The following ISM1 variants were observed in gnomAD, a reference collection of about 807,000 sequenced individuals.
ISM1 encodes isthmin 1.
Under a neutral mutation model 46.3 loss-of-function variants are expected in ISM1, and 25 were observed. That is an observed-to-expected ratio of 0.54 (90% CI 0.39 to 0.75). The LOEUF (loss-of-function observed/expected upper bound fraction) is 0.75. ISM1 is among the 30% of genes least tolerant of loss of function. The pLI, the probability that ISM1 is intolerant of heterozygous loss-of-function variation, is 0.00. For missense variants in ISM1, 536 were observed against 625.4 expected, an observed-to-expected ratio of 0.86 and a Z score of 1.52; for synonymous variants, 255 against 256.7, an observed-to-expected ratio of 0.99 and a Z score of 0.06.
the ISM1 span, among the ~76,000 whole-genome samples, chr20:13,323,111 G>C: frequency 1.3e-5 from 2 of 152,096 alleles, no homozygotes; most frequent in Non-Finnish European, 2.9e-5. Context: ...TAGGAACTAA[G>C]AGCAATCAGA....
At chr20:13,301,884 G>A (rs1164187154), downstream of ISM1, among the ~76,000 whole-genome samples, 2 of 152,178 alleles carry the variant, frequency 1.3e-5, no homozygotes, top group Non-Finnish European at 1.5e-5. Flanking sequence ...TAAGCACAAA[G>A]TACTATGAAG....
the ISM1 span, among the ~76,000 whole-genome samples, chr20:13,309,158 A>G: frequency 6.6e-6 from 1 of 152,190 alleles, no homozygotes; most frequent in East Asian, 1.9e-4. Context: ...ACACCAACAT[A>G]CATAATAAAA....
chr20:13,268,095 A>C (rs940664358), intron 1 of ISM1, among the ~76,000 whole-genome samples: 2 of 122,630 alleles, frequency 1.6e-5, no homozygotes, highest in Admixed American at 7.7e-5. Context: ...AAAAGATAGC[A>C]TGCTCTCTCT....
At chr20:13,256,460 C>T (rs1322652137) in intron 1 of ISM1, among the ~76,000 whole-genome samples, 2 of 151,240 alleles carry the variant, frequency 1.3e-5, no homozygotes, top group African/African-American at 2.4e-5. Flanking sequence ...GAGTTGAATC[C>T]CAAAACCCAT....
chr20:13,291,770 T>A (rs1184887120), intron 4 of ISM1, among the ~76,000 whole-genome samples: 1 of 152,170 alleles, frequency 6.6e-6, no homozygotes, highest in African/African-American at 2.4e-5. Flanking sequence ...CATTGTAGCA[T>A]CCTCAGTGAG....
chr20:13,270,844 T>A, intron 2 of ISM1, 101 bp downstream of exon 2: 1 of 1,107,994 alleles, frequency 9.0e-7, no homozygotes, highest in Non-Finnish European at 1.3e-6. Context: ...CTTTTCTTCT[T>A]AACCCCTTAA....
chr20:13,270,548 T>C lies in ISM1; in HGVS notation c.183T>C (p.Phe61=). The C allele has an allele frequency of 6.2e-7, 1 of 1,613,878 alleles. No homozygotes were observed. The highest frequency in any genetic ancestry group is 8.5e-7 in the Non-Finnish European group (1 of 1,179,836). The part of the protein sequence containing the change: ...VGSDTTSETS[F]SLSKEAPREH... ...GTGACACCACATCAGAAACCAGCTT[T>C]TCTCTCTCCAAAGAAGCACCAAGGG... The change falls in exon 2 of 6, where the codon TTT becomes TTC. Residue 61 remains phenylalanine (F), a synonymous_variant. Coordinates refer to ENST00000262487, the MANE Select transcript of ISM1 (RefSeq NM_080826.2).
At chr20:13,292,036 G>A (rs913574559) in intron 4 of ISM1, among the ~76,000 whole-genome samples, 5 of 152,092 alleles carry the variant, frequency 3.3e-5, no homozygotes, top group African/African-American at 4.8e-5. Context: ...TAAACACTAC[G>A]TTCTACTGCC....
At chr20:13,270,859 T>G in intron 2 of ISM1, 116 bp downstream of exon 2, 1 of 945,510 alleles carries the variant, frequency 1.1e-6, no homozygotes, top group South Asian at 1.6e-5. Flanking sequence ...CCTTAATGAT[T>G]CCTGCTTAAG....
chr20:13,285,052 C>A (rs1302218337), intron 3 of ISM1, among the ~76,000 whole-genome samples: 2 of 152,148 alleles, frequency 1.3e-5, no homozygotes, highest in Non-Finnish European at 2.9e-5. Context: ...TTTGGGAGGC[C>A]AAGGCAGGAG....
intron 4 of ISM1, among the ~76,000 whole-genome samples, chr20:13,290,215 T>C (rs1421036013): frequency 6.6e-6 from 1 of 151,788 alleles, no homozygotes; most frequent in Non-Finnish European, 1.5e-5. Flanking sequence ...GGAAGCCTGG[T>C]GGGTGGAATC....
rs76127393 is a variant in ISM1, at chr20:13,277,737, G to T, written c.379-1897G>T. On this transcript the variant is annotated intron_variant, in intron 2 of 5. Coordinates refer to ENST00000262487, the MANE Select transcript of ISM1 (RefSeq NM_080826.2). ...CTACAAGACTGGAGTAAGGGTGGTG[G>T]CATGGGGTAAAGCTAGTAGTGCCCT... Among the ~76,000 whole-genome samples the T allele has an allele frequency of 4.1e-3, 628 of 151,826 alleles. 2 individuals carry two copies. The highest frequency in any genetic ancestry group is 0.014 in the African/African-American group (562 of 41,364).
At chr20:13,255,221 A>G (rs953418880) in intron 1 of ISM1, among the ~76,000 whole-genome samples, 1 of 152,220 alleles carries the variant, frequency 6.6e-6, no homozygotes, top group Non-Finnish European at 1.5e-5. Flanking sequence ...GAAGGATAGA[A>G]GAGAGAATGA....
intron 1 of ISM1, among the ~76,000 whole-genome samples, chr20:13,265,269 T>C (rs117939135): frequency 0.01 from 1,550 of 152,290 alleles, 14 homozygotes; most frequent in Middle Eastern, 0.031. Context: ...ACAAGCCTTT[T>C]TTATTTCAGT....
chr20:13,256,719 A>G (rs1358028814), intron 1 of ISM1, among the ~76,000 whole-genome samples: 1 of 152,186 alleles, frequency 6.6e-6, no homozygotes, highest in Non-Finnish European at 1.5e-5. Context: ...ACTCTCCCCG[A>G]CAGCTGTTTA....
the ISM1 span, among the ~76,000 whole-genome samples, chr20:13,307,094 C>T: frequency 0.017 from 2,659 of 152,244 alleles, 73 homozygotes; most frequent in African/African-American, 0.06. Context: ...CACTACTCAC[C>T]AGCAGCAAAT....
At chr20:13,233,381 A>T (rs890450406) in intron 1 of ISM1, among the ~76,000 whole-genome samples, 1 of 152,092 alleles carries the variant, frequency 6.6e-6, no homozygotes. Flanking sequence ...GGATCACCTG[A>T]GGTCGGGAGT....
rs776357230 is a variant in ISM1, at chr20:13,300,417, G to T, written c.*958G>T. Reference sequence around the variant, plus strand: ...ATCCCCAATAAATAAATATAAAAGGGGGGGAGGGTCAATCTGGGGAATCTT... The same window carrying T: ...ATCCCCAATAAATAAATATAAAAGGTGGGGAGGGTCAATCTGGGGAATCTT... On this transcript the variant is annotated 3_prime_UTR_variant, in exon 6 of 6. Transcript: ENST00000262487. The T allele has an allele frequency of 6.6e-6, 1 of 152,012 alleles. No homozygotes were observed. Among genetic ancestry groups the T allele is most frequent in the Non-Finnish European group, 1.5e-5 (1 of 68,016 alleles). The allele number at this position is 152,012 out of a possible 1,614,324, so 9.4% of individuals were successfully genotyped here. A position where few individuals can be genotyped will look rare whatever the true frequency, so the allele number is the denominator to read the frequency against.
chr20:13,310,590 A>G, the ISM1 span, among the ~76,000 whole-genome samples: 3 of 152,226 alleles, frequency 2.0e-5, no homozygotes. Context: ...CAAAGGAAAA[A>G]GGTTCTGCAC....
Sources: gnomAD v4.1 joint callset for allele counts (sites outside exome capture counted in the v4.1 genomes callset) on GRCh38, gnomAD v4.1.1 for gene constraint, MANE v1.5 for transcripts, NCBI Gene and HGNC (gene_info 2026-07-23, HGNC 2026-07-21) for gene names.